The following TENM1 variants were observed in gnomAD, a reference collection of about 807,000 sequenced individuals.
TENM1 encodes teneurin-1.
A neutral mutation model predicts 174.8 loss-of-function variants in TENM1; 35 were observed. That is an observed-to-expected ratio of 0.20 (90% CI 0.15 to 0.27). The LOEUF (loss-of-function observed/expected upper bound fraction) is 0.27. TENM1 is among the 10% of genes least tolerant of loss of function. The pLI is 1.00. For missense variants in TENM1, 1,633 were observed against 2,130.1 expected, an observed-to-expected ratio of 0.77 and a Z score of 4.59; for synonymous variants, 781 against 798.7, an observed-to-expected ratio of 0.98 and a Z score of 0.37.
intron 1 of TENM1, among the ~76,000 whole-genome samples, chrX:124,918,820 T>C (rs2057972936): frequency 9.0e-6 from 1 of 111,681 alleles, no homozygotes; most frequent in Non-Finnish European, 1.9e-5. Context: ...TCAAGTCAAG[T>C]AACCTGCCAT....
At chrX:124,748,064 A>G (rs1374133974) in intron 3 of TENM1, among the ~76,000 whole-genome samples, 7 of 111,402 alleles carry the variant, frequency 6.3e-5, no homozygotes, top group East Asian at 2.8e-4. Context: ...AGAACATACT[A>G]CTATGGAATT....
rs1163639428 is a variant in TENM1, at chrX:124,392,185, T to C, written c.5555A>G (p.Tyr1852Cys). The C allele has an allele frequency of 8.3e-7, 1 of 1,209,508 alleles. No homozygotes were observed. Among genetic ancestry groups the C allele is most frequent in the Non-Finnish European group, 1.1e-6 (1 of 894,633 alleles). Residue 1852 changes from tyrosine (Y) to cysteine (C), a missense_variant, in exon 28 of 32, where the codon TAT (tyrosine) becomes TGT (cysteine). Physicochemically the swap from Tyr to Cys is radical, Grantham distance 194. Around this residue, in one of 4 missense-constraint regions of TENM1, gnomAD observed 807 missense variants for 1,125.3 expected, o/e 0.72. Transcript: ENST00000422452. ...AAACGTCACCAATCCCGAAGGTGAA[T>C]ATGTGATGTTCACTTCATTATATCT... is the stretch of plus-strand genomic sequence containing the variant.
At chrX:124,549,923 T>C (rs5911882) in intron 14 of TENM1, among the ~76,000 whole-genome samples, 43,266 of 107,070 alleles carry the variant, frequency 0.4, 7,609 homozygotes, top group East Asian at 0.8. Flanking sequence ...TTTTTTTTTT[T>C]CTAATTGTTC....
chrX:124,781,531 C>T (rs1328811155), intron 3 of TENM1, among the ~76,000 whole-genome samples: 1 of 111,785 alleles, frequency 8.9e-6, no homozygotes, highest in East Asian at 2.8e-4. Context: ...ATCAAACACT[C>T]AATTATTACC....
chrX:125,028,782 T>C, the TENM1 span, among the ~76,000 whole-genome samples: 1 of 110,941 alleles, frequency 9.0e-6, no homozygotes, highest in African/African-American at 3.3e-5. Context: ...CAAAGAAAAA[T>C]ATCAAATTCA....
rs145715017 is a variant in TENM1, at chrX:124,795,149, C to T, written c.536-57952G>A. ...TATAGGGCAGCATTGTTCAATGTTA[C>T]ATCTCTAGCATCTGGCACAGTGCCT... is the stretch of plus-strand genomic sequence containing the variant. On this transcript the variant is annotated intron_variant, in intron 3 of 31. Transcript: ENST00000422452. 5.5e-3 allele frequency among the ~76,000 whole-genome samples: 615 copies of T among 112,169 alleles called. 4 individuals carry two copies. Among genetic ancestry groups the T allele is most frequent in the African/African-American group, 0.019 (576 of 30,924 alleles).
chrX:125,021,101 AG>A, the TENM1 span, among the ~76,000 whole-genome samples: 252 of 106,462 alleles, frequency 2.4e-3, 1 homozygote, highest in African/African-American at 8.2e-3. Flanking sequence ...TAAAGAAATT[AG>A]GTTTTTTTTG....
At position 124,798,473 on chromosome X, in the gene TENM1, G is replaced by A. The variant is rs1054086923; in HGVS notation, c.536-61276C>T. Among the ~76,000 whole-genome samples, 6 of 111,640 alleles carry A rather than the reference G, an allele frequency of 5.4e-5. No homozygotes were observed. In the South Asian group the frequency reaches 2.2e-3, roughly 42 times the overall value. On this transcript the variant is annotated intron_variant, in intron 3 of 31. Coordinates refer to ENST00000422452, the Ensembl canonical transcript of TENM1. ...TGAGCTTTTTTTCATATGTTTGTTG[G>A]CTGCATAAATGTCTTCTTTTGAGAA...
chrX:125,099,517 ATGGAATGTCATCACATCACAGGCAGT>A, the TENM1 span, among the ~76,000 whole-genome samples: 1 of 112,080 alleles, frequency 8.9e-6, no homozygotes, highest in Admixed American at 9.5e-5. Flanking sequence ...AATAAAGGAA[ATGGAATGTCATCACATCACAGGCAGT>A]TCTGCCCTCT....
At chrX:124,707,203 A>G (rs776414748) in intron 4 of TENM1, among the ~76,000 whole-genome samples, 49 of 111,274 alleles carry the variant, frequency 4.4e-4, no homozygotes, top group Non-Finnish European at 7.9e-4. Context: ...GGGTTTCACC[A>G]TGTTGCCCAG....
At chrX:125,155,888 C>A in the TENM1 span, among the ~76,000 whole-genome samples, 4 of 112,605 alleles carry the variant, frequency 3.6e-5, no homozygotes, top group Non-Finnish European at 7.5e-5. Flanking sequence ...TGGCCTCGGC[C>A]AGCCCAGGAA....
intron 5 of TENM1, among the ~76,000 whole-genome samples, chrX:124,683,002 G>A (rs766821766): frequency 4.6e-4 from 51 of 111,626 alleles, no homozygotes; most frequent in Non-Finnish European, 7.7e-4. Context: ...GGTGATATAG[G>A]ACGTTGACAA....
At position 124,413,493 on chromosome X, in the gene TENM1, G is replaced by A. The variant is rs186126088; in HGVS notation, c.4982+6818C>T. On this transcript the variant is annotated intron_variant, in intron 25 of 31. Coordinates refer to ENST00000422452, the Ensembl canonical transcript of TENM1. ...TGGTTACAGAACAGACAGAACCATC[G>A]ATAGTGCTTCTGGGAGGGCACACTC... is the stretch of plus-strand genomic sequence containing the variant. 2.7e-5 allele frequency among the ~76,000 whole-genome samples: 3 copies of A among 111,923 alleles called. No homozygotes were observed. In the Admixed American group the frequency reaches 2.8e-4, roughly 11 times the overall value.
chrX:124,551,649 G>A (rs1346421237), intron 14 of TENM1, among the ~76,000 whole-genome samples: 1 of 111,061 alleles, frequency 9.0e-6, no homozygotes, highest in Non-Finnish European at 1.9e-5. Flanking sequence ...ATGGTAACAT[G>A]AGTTTATACA....
the TENM1 span, among the ~76,000 whole-genome samples, chrX:124,978,634 G>T: frequency 4.5e-5 from 5 of 111,480 alleles, no homozygotes; most frequent in African/African-American, 1.3e-4. Flanking sequence ...TTTAAGTCTG[G>T]TTTCCTACGG....
chrX:125,163,113 C>T, the TENM1 span, among the ~76,000 whole-genome samples: 1 of 111,737 alleles, frequency 8.9e-6, no homozygotes, highest in Non-Finnish European at 1.9e-5. Flanking sequence ...ATTACTGCCT[C>T]TAGCCTCTCT....
intron 20 of TENM1, among the ~76,000 whole-genome samples, chrX:124,493,779 A>C (rs1275393072): frequency 9.0e-6 from 1 of 111,553 alleles, no homozygotes; most frequent in Non-Finnish European, 1.9e-5. Flanking sequence ...ATGAGGTGTA[A>C]CATTCTGAGG....
chrX:124,867,193 A>C (rs193283633), intron 3 of TENM1, among the ~76,000 whole-genome samples: 80 of 111,777 alleles, frequency 7.2e-4, no homozygotes, highest in Middle Eastern at 4.6e-3. Context: ...CAAAAAAAGA[A>C]AACTATAGGC....
intron 3 of TENM1, among the ~76,000 whole-genome samples, chrX:124,796,341 C>T (rs946478891): frequency 8.9e-6 from 1 of 111,782 alleles, no homozygotes; most frequent in African/African-American, 3.2e-5. Context: ...TGAAGTACAT[C>T]TGTGCTTATT....
Sources: allele counts gnomAD v4.1 joint callset (sites outside exome capture counted in the v4.1 genomes callset), GRCh38; gene constraint gnomAD v4.1.1; regional missense constraint gnomAD v4.1.1; transcripts MANE v1.5; gene names NCBI Gene and HGNC (gene_info 2026-07-23, HGNC 2026-07-21).